Variants in MYRIP observed in about 807,000 individuals in gnomAD.
MYRIP encodes myosin VIIA and Rab interacting protein.
Under a neutral mutation model 98.0 loss-of-function variants are expected in MYRIP, and 49 were observed. The observed-to-expected ratio is 0.50, with a 90% confidence interval of 0.40 to 0.63. The LOEUF is 0.63. Among genes scored for constraint, MYRIP ranks in the 30% least tolerant of loss-of-function variants. MYRIP has a pLI of 0.00. For missense variants in MYRIP, 1,004 were observed against 1,058.2 expected (o/e 0.95, Z 0.71); for synonymous variants, 404 against 409.5 (o/e 0.99, Z 0.16).
intron 2 of MYRIP, among the ~76,000 whole-genome samples, chr3:39,988,283 AC>A: frequency 6.6e-6 from 1 of 151,796 alleles, no homozygotes; most frequent in East Asian, 1.9e-4. Flanking sequence ...CACATTGTGC[AC>A]ATGTACCCTA....
At chr3:39,924,595 G>A (rs1403369904) in intron 2 of MYRIP, among the ~76,000 whole-genome samples, 1 of 151,868 alleles carries the variant, frequency 6.6e-6, no homozygotes, top group Non-Finnish European at 1.5e-5. Flanking sequence ...AATCAACAAG[G>A]ATGTAGAAAA....
chr3:40,216,494 T>C (rs1253150702), intron 11 of MYRIP, among the ~76,000 whole-genome samples: 1 of 152,098 alleles, frequency 6.6e-6, no homozygotes, highest in Non-Finnish European at 1.5e-5. Context: ...TAAACGGAAA[T>C]GCCAAAATCC....
At chr3:40,136,766 AC>A (rs1949784923) in intron 3 of MYRIP, among the ~76,000 whole-genome samples, 1 of 152,260 alleles carries the variant, frequency 6.6e-6, no homozygotes, top group Non-Finnish European at 1.5e-5. Flanking sequence ...GAACTGAACA[AC>A]CTGCCCTGAA....
intron 2 of MYRIP, among the ~76,000 whole-genome samples, chr3:40,007,427 G>A (rs538669434): frequency 5.9e-5 from 9 of 152,066 alleles, no homozygotes; most frequent in African/African-American, 1.2e-4. Flanking sequence ...GAATAGAAAC[G>A]CCAACATACG....
At chr3:40,220,432 T>A (rs1335154371) in intron 11 of MYRIP, among the ~76,000 whole-genome samples, 5 of 152,316 alleles carry the variant, frequency 3.3e-5, no homozygotes, top group East Asian at 3.9e-4. Context: ...CTGAATGGTA[T>A]TGCCTAGGTT....
chr3:39,982,584 T>G (rs1369245328), intron 2 of MYRIP, among the ~76,000 whole-genome samples: 1 of 152,186 alleles, frequency 6.6e-6, no homozygotes, highest in African/African-American at 2.4e-5. Flanking sequence ...TCTTGGGAAC[T>G]ACACAAAATA....
At chr3:40,190,554 G>C in intron 10 of MYRIP, 91 bp downstream of exon 10, 2 of 1,478,262 alleles carry the variant, frequency 1.4e-6, no homozygotes, top group Non-Finnish European at 1.8e-6. Flanking sequence ...TCCTGGGTTT[G>C]GAATCCGCAG....
intron 2 of MYRIP, among the ~76,000 whole-genome samples, chr3:39,909,572 G>A (rs896249819): frequency 2.0e-5 from 3 of 152,194 alleles, no homozygotes; most frequent in Non-Finnish European, 4.4e-5. Context: ...CTGTCTTAGA[G>A]GAGGGGGCTA....
chr3:39,877,151 G>A (rs1575333088), intron 1 of MYRIP, among the ~76,000 whole-genome samples: 1 of 152,286 alleles, frequency 6.6e-6, no homozygotes, highest in East Asian at 1.9e-4. Context: ...AGAGGCTTCT[G>A]CATTCTTCAC....
At chr3:40,223,827 A>G (rs1271416621) in intron 11 of MYRIP, among the ~76,000 whole-genome samples, 1 of 152,214 alleles carries the variant, frequency 6.6e-6, no homozygotes, top group Admixed American at 6.5e-5. Context: ...TGGAGGAGAC[A>G]GTGGTAAACA....
chr3:40,017,041 GATTTCTGGA>G (rs1946879088), intron 2 of MYRIP, among the ~76,000 whole-genome samples: 1 of 152,124 alleles, frequency 6.6e-6, no homozygotes, highest in African/African-American at 2.4e-5. Flanking sequence ...CTGTCTTTTG[GATTTCTGGA>G]ATTTCTGACC....
chr3:40,017,714 T>TG (rs1946897649), intron 2 of MYRIP, among the ~76,000 whole-genome samples: 1 of 140,868 alleles, frequency 7.1e-6, no homozygotes, highest in Non-Finnish European at 1.5e-5. Context: ...TTTTTTTTTT[T>TG]GTCTGAAGGT....
At chr3:39,834,690 ATAATC>A (rs2125587934) in intron 1 of MYRIP, among the ~76,000 whole-genome samples, 1 of 152,258 alleles carries the variant, frequency 6.6e-6, no homozygotes, top group East Asian at 1.9e-4. Flanking sequence ...TTACCACAAA[ATAATC>A]TAATTATAGC....
intron 1 of MYRIP, among the ~76,000 whole-genome samples, chr3:39,845,329 G>T (rs1184165526): frequency 6.6e-6 from 1 of 152,152 alleles, no homozygotes; most frequent in Non-Finnish European, 1.5e-5. Flanking sequence ...TTCAGTGGCA[G>T]CTGGTTTGGA....
rs1953707148 is a variant in MYRIP at position 40,259,596 on chromosome 3, TTCAACC to T, written c.*1433_*1438del. 1 of 152,234 alleles carries T rather than the reference TTCAACC, an allele frequency of 6.6e-6. No individual in the cohort carries two copies. The allele number at this position is 152,234 out of a possible 1,614,324, so 9.4% of individuals were successfully genotyped here. A position where few individuals can be genotyped will look rare whatever the true frequency, so the allele number is the denominator to read the frequency against. On this transcript the variant is annotated 3_prime_UTR_variant, in exon 17 of 17. Coordinates refer to ENST00000302541, the MANE Select transcript of MYRIP (RefSeq NM_015460.4). ...ATCACAAAAGCCTAACTCTGTTGTTTTCAACCTCTACGTTATTTTGCTGCTATGTGC... is the reference window on the plus strand; with the variant it reads ...ATCACAAAAGCCTAACTCTGTTGTTTTCTACGTTATTTTGCTGCTATGTGC...
intron 11 of MYRIP, among the ~76,000 whole-genome samples, chr3:40,210,995 CTCTGTGCG>C (rs1320323185): frequency 2.0e-4 from 27 of 137,742 alleles, no homozygotes; most frequent in Non-Finnish European, 4.0e-4. Context: ...TCTGTGTCTC[CTCTGTGCG>C]TGTGCCTGTA....
intron 3 of MYRIP, among the ~76,000 whole-genome samples, chr3:40,065,941 G>A (rs1206362856): frequency 2.6e-5 from 4 of 152,238 alleles, no homozygotes; most frequent in Non-Finnish European, 4.4e-5. Context: ...ACTGTTTTAG[G>A]TGGGGCCAAT....
chr3:40,130,966 T>A (rs1364499235), intron 3 of MYRIP, among the ~76,000 whole-genome samples: 1 of 152,146 alleles, frequency 6.6e-6, no homozygotes, highest in East Asian at 1.9e-4. Flanking sequence ...TTGGTCTTAG[T>A]CACCTTCATA....
Position 39,961,540 on chromosome 3 carries a change from C to T in MYRIP, c.110+60614C>T, listed in dbSNP as rs138323578. Among the ~76,000 whole-genome samples, 1,112 of 152,188 alleles carry T rather than the reference C, an allele frequency of 7.3e-3. 16 individuals carry two copies. Among genetic ancestry groups the T allele is most frequent in the African/African-American group, 0.026 (1,061 of 41,532 alleles). On this transcript the variant is annotated intron_variant, in intron 2 of 16. Transcript: ENST00000302541. ...TCTGGGAGTTCAACCAGGAAAGGAA[C>T]ATGTTGAGTCTGGATTGTTGAGGCC...
Sources: allele counts gnomAD v4.1 joint callset (sites outside exome capture counted in the v4.1 genomes callset), GRCh38; gene constraint gnomAD v4.1.1; transcripts MANE v1.5; gene names NCBI Gene and HGNC (gene_info 2026-07-23, HGNC 2026-07-21).